C7: variants seen among roughly 807,000 people sequenced by gnomAD.
C7 encodes the protein complement C7, also known as complement component C7.
A neutral mutation model predicts 104.8 loss-of-function variants in C7; 83 were observed. That is an observed-to-expected ratio of 0.79 (90% CI 0.66 to 0.95). The LOEUF (loss-of-function observed/expected upper bound fraction) is 0.95. Among genes scored for constraint, C7 ranks in the 40% least tolerant of loss-of-function variants. The probability of loss-of-function intolerance (pLI) is 0.00; values close to 1 mark genes in which losing one functional copy is unlikely to be tolerated. For missense variants in C7, 1,070 were observed against 1,011.2 expected, an observed-to-expected ratio of 1.06 and a Z score of -0.79; for synonymous variants, 415 against 360.6, an observed-to-expected ratio of 1.15 and a Z score of -1.71.
Position 40,922,399 on chromosome 5 carries a change from A to AAAAG in C7, c.7-6179_7-6178insAGAA, listed in dbSNP as rs1739458075. 2.1e-5 allele frequency among the ~76,000 whole-genome samples: 3 copies of AAAAG among 143,950 alleles called. No homozygotes were observed. In the Admixed American group the frequency reaches 2.1e-4, roughly 10 times the overall value. 94.4% of individuals were successfully genotyped at this position (143,950 alleles called of 152,430 possible). A position where few individuals can be genotyped will look rare whatever the true frequency, so the allele number is the denominator to read the frequency against. On this transcript the variant is annotated intron_variant, in intron 1 of 17. Transcript: ENST00000313164. ...CAAAAAAAAAAAAAAAAAAAAAAAA[A>AAAAG]AAGAAGAACATACACTCGGGGCTTG...
chr5:40,972,444 A>G lies in C7; in HGVS notation c.1924A>G (p.Ser642Gly), dbSNP rs1218324664. ...VLPVLMDGIQ[S>G]HPQKPFYTVG... ...ACCTGTACTGATGGATGGCATACAG[A>G]GTCACCCCCAAAAACCTTTCTACAC... is the stretch of plus-strand genomic sequence containing the variant. Residue 642 changes from serine (S) to glycine (G), a missense_variant, in exon 15 of 18, where the codon AGT becomes GGT. By Grantham distance (56) the Ser-to-Gly change is moderately conservative. Coordinates refer to ENST00000313164, the MANE Select transcript of C7 (RefSeq NM_000587.4). The G allele has an allele frequency of 1.9e-6, 3 of 1,613,830 alleles. No homozygotes were observed. The South Asian group carries it at 3.3e-5, about 18-fold the overall frequency.
In C7 at chr5:40,979,891, C is replaced by T; in HGVS notation, c.2332C>T (p.Leu778=). ...SAEKACGACP[L]WGKCDAESSK... ...TGAGAAAGCTTGTGGTGCCTGCCCA[C>T]TGTGGGGAAAATGTGATGGTAAGGG... Residue 778 remains leucine (L), a synonymous_variant, in exon 17 of 18, where the codon CTG becomes TTG. Coordinates refer to ENST00000313164, the MANE Select transcript of C7 (RefSeq NM_000587.4). 6.3e-7 allele frequency: 1 copy of T among 1,590,452 alleles called. No individual in the cohort carries two copies. Among genetic ancestry groups the T allele is most frequent in the South Asian group, 1.1e-5 (1 of 87,634 alleles).
Position 40,979,847 on chromosome 5 carries a change from G to A in C7, c.2288G>A (p.Cys763Tyr), listed in dbSNP as rs772181666. ...RNYTLTGRDS[C>Y]TLPASAEKAC... is the part of the protein sequence containing the mutation. ...TACACCCTTACTGGTAGGGACAGCT[G>A]TACTCTGCCTGCCTCAGCTGAGAAA... Residue 763 changes from cysteine (C) to tyrosine (Y), a missense_variant, in exon 17 of 18, where the codon TGT (cysteine) becomes TAT (tyrosine). Physicochemically the swap from Cys to Tyr is radical, Grantham distance 194 (BLOSUM62 -2). Coordinates refer to ENST00000313164, the MANE Select transcript of C7 (RefSeq NM_000587.4). 46 of 1,612,074 alleles carry A rather than the reference G, an allele frequency of 2.9e-5. No homozygotes were observed. Among genetic ancestry groups the A allele is most frequent in the Admixed American group, 5.0e-5 (3 of 59,848 alleles).
At chr5:40,931,901 G>A (rs978445121) in intron 3 of C7, among the ~76,000 whole-genome samples, 1 of 152,164 alleles carries the variant, frequency 6.6e-6, no homozygotes, top group Non-Finnish European at 1.5e-5. Context: ...TGGGACTACA[G>A]GCACGTGCCA....
chr5:40,931,974 G>A (rs1247682221), intron 3 of C7, among the ~76,000 whole-genome samples: 1 of 152,106 alleles, frequency 6.6e-6, no homozygotes, highest in Non-Finnish European at 1.5e-5. Flanking sequence ...TGGCCAGGAT[G>A]GTCTCGATCT....
intron 9 of C7, 96 bp downstream of exon 9, chr5:40,950,110 G>A: frequency 1.5e-6 from 1 of 677,464 alleles, no homozygotes; most frequent in Non-Finnish European, 2.5e-6. Flanking sequence ...AGGTAAACTT[G>A]TGTCATGGGG....
At chr5:40,969,890 GTTA>G (rs1434233415) in intron 14 of C7, among the ~76,000 whole-genome samples, 1 of 151,712 alleles carries the variant, frequency 6.6e-6, no homozygotes, top group Non-Finnish European at 1.5e-5. Context: ...GCACTGCCTT[GTTA>G]GTGCTCTGAT....
intron 13 of C7, among the ~76,000 whole-genome samples, chr5:40,964,030 T>G (rs988926154): frequency 0.05 from 6,179 of 124,084 alleles, 534 homozygotes; most frequent in African/African-American, 0.17. Context: ...CTTTTTTTTT[T>G]TTTTTTTTTT....
rs1579847582 is a variant in C7 at position 40,934,428 on chromosome 5, C to A, written c.242C>A (p.Thr81Lys). 6.2e-7 allele frequency: 1 copy of A among 1,613,652 alleles called. No individual in the cohort carries two copies. The highest frequency in any genetic ancestry group is 1.3e-5 in the African/African-American group (1 of 74,932). The change falls in exon 4 of 18, where the codon ACA (threonine) becomes AAA (lysine). Residue 81 changes from threonine (T) to lysine (K), a missense_variant. Physicochemically the swap from Thr to Lys is moderately conservative, Grantham distance 78 (BLOSUM62 -1). Coordinates refer to ENST00000313164, the MANE Select transcript of C7 (RefSeq NM_000587.4). ...QSCEPTRGCP[T>K]EEGCGERFRC... ...TGTGAACCTACAAGAGGATGTCCAA[C>A]AGAGGAGGGATGTGGAGAGCGTTTC...
At chr5:40,951,005 A>G (rs1392321901) in intron 9 of C7, among the ~76,000 whole-genome samples, 1 of 152,200 alleles carries the variant, frequency 6.6e-6, no homozygotes. Flanking sequence ...TGATGAAATA[A>G]AAGTTTACCT....
At chr5:40,940,778 A>G (rs1012786365) in intron 6 of C7, among the ~76,000 whole-genome samples, 3 of 152,310 alleles carry the variant, frequency 2.0e-5, no homozygotes, top group South Asian at 4.1e-4. Context: ...CTAAGGAGGT[A>G]GGTACTGGCA....
At position 40,936,525 on chromosome 5, in the gene C7, G is replaced by T. The variant is rs753047898; in HGVS notation, c.428+40G>T. 5 of 1,576,866 alleles carry T rather than the reference G, an allele frequency of 3.2e-6. No homozygotes were observed. In the Admixed American group the frequency reaches 9.9e-5, roughly 31 times the overall value. On this transcript the variant is annotated intron_variant, in intron 5 of 17. Transcript: ENST00000313164. Reference sequence around the variant, plus strand: ...AGCCTCCTGAGTACATCAGTGAATTGTAGTTTTAAATTTTGTTTTATTTTA... The same window carrying T: ...AGCCTCCTGAGTACATCAGTGAATTTTAGTTTTAAATTTTGTTTTATTTTA...
At chr5:40,931,948 T>A (rs1185404416) in intron 3 of C7, among the ~76,000 whole-genome samples, 1 of 152,116 alleles carries the variant, frequency 6.6e-6, no homozygotes, top group African/African-American at 2.4e-5. Flanking sequence ...TTAGTAGAGA[T>A]GAGGTTTAAC....
At chr5:40,971,110 A>G (rs1351836626) in intron 14 of C7, among the ~76,000 whole-genome samples, 2 of 152,134 alleles carry the variant, frequency 1.3e-5, no homozygotes, top group Non-Finnish European at 2.9e-5. Context: ...CAGTAACGGG[A>G]TTGCTGGGTC....
At chr5:40,914,424 G>A (rs923373983) in intron 1 of C7, among the ~76,000 whole-genome samples, 8 of 152,150 alleles carry the variant, frequency 5.3e-5, no homozygotes, top group African/African-American at 1.7e-4. Context: ...GTCTGTTCAC[G>A]CTGTTGATTA....
intron 14 of C7, among the ~76,000 whole-genome samples, chr5:40,966,940 T>A (rs958162326): frequency 6.6e-6 from 1 of 152,194 alleles, no homozygotes; most frequent in Non-Finnish European, 1.5e-5. Context: ...ATTTGCTAGT[T>A]GGGAGTTAAT....
chr5:40,962,288 T>C (rs975104288), intron 13 of C7, 116 bp downstream of exon 13: 22 of 558,986 alleles, frequency 3.9e-5, no homozygotes, highest in Non-Finnish European at 6.3e-5. Flanking sequence ...ATTTTATATA[T>C]GCATTTTAGT....
At chr5:40,956,636 G>A (rs1291101394) in intron 10 of C7, among the ~76,000 whole-genome samples, 3 of 152,192 alleles carry the variant, frequency 2.0e-5, no homozygotes, top group Non-Finnish European at 4.4e-5. Context: ...TAGCAGAACC[G>A]ATTCTATGAT....
chr5:40,974,693 C>T (rs1004410957), intron 15 of C7, among the ~76,000 whole-genome samples: 3 of 152,220 alleles, frequency 2.0e-5, no homozygotes, highest in Non-Finnish European at 4.4e-5. Context: ...ACTGGGATTA[C>T]AGGCGTGAGC....
Sources: allele counts gnomAD v4.1 joint callset (sites outside exome capture counted in the v4.1 genomes callset), GRCh38; gene constraint gnomAD v4.1.1; transcripts MANE v1.5; gene names NCBI Gene and HGNC (gene_info 2026-07-23, HGNC 2026-07-21).